The following KLHL8 variants were observed in gnomAD, a reference collection of about 807,000 sequenced individuals.
The protein encoded by KLHL8 is kelch like family member 8, also known as kelch-like protein 8.
KLHL8 carries 38 observed loss-of-function variants against 63.5 expected under a neutral mutation model. That is an observed-to-expected ratio of 0.60 (90% CI 0.46 to 0.78). The LOEUF (loss-of-function observed/expected upper bound fraction) is 0.78, where lower values mean the gene tolerates loss of function less well. KLHL8 is among the 30% of genes least tolerant of loss of function. The probability of loss-of-function intolerance (pLI) is 0.00; values close to 1 mark genes in which losing one functional copy is unlikely to be tolerated. For synonymous variants in KLHL8, 224 were observed against 254.3 expected (o/e 0.88, Z 1.13); for missense variants, 566 against 752.4 (o/e 0.75, Z 2.90).
intron 2 of KLHL8, among the ~76,000 whole-genome samples, chr4:87,193,363 A>G (rs1731567529): frequency 6.6e-6 from 1 of 152,208 alleles, no homozygotes; most frequent in African/African-American, 2.4e-5. Context: ...TTCCGCCTCC[A>G]GATCCTGTCC....
intron 1 of KLHL8, among the ~76,000 whole-genome samples, chr4:87,227,344 G>C (rs556889108): frequency 6.6e-5 from 10 of 152,168 alleles, no homozygotes; most frequent in Non-Finnish European, 2.9e-5. Flanking sequence ...GGACCATAGA[G>C]TTATTTGACA....
chr4:87,232,576 T>C (rs375190620), intron 1 of KLHL8, among the ~76,000 whole-genome samples: 8 of 152,238 alleles, frequency 5.3e-5, no homozygotes, highest in Admixed American at 5.2e-4. Context: ...ATGACTTCGA[T>C]GTAACTAAAA....
chr4:87,183,432 CT>C lies in KLHL8; in HGVS notation c.766-44del, dbSNP rs769295193. On this transcript the variant is annotated intron_variant, in intron 3 of 9. Transcript: ENST00000273963. The stretch of plus-strand genomic sequence containing the variant: ...TGCAATACAACAAATTTTATATTTT[CT>C]TGGGAAAATATAAAGTCTAAAAATT... The C allele has an allele frequency of 2.8e-6, 4 of 1,405,882 alleles. No homozygotes were observed. In the Admixed American group the frequency reaches 8.8e-5, roughly 31 times the overall value. 87.1% of individuals were successfully genotyped at this position (1,405,882 alleles called of 1,614,324 possible).
At position 87,178,504 on chromosome 4, in the gene KLHL8, G is replaced by T. The variant is rs757903142; in HGVS notation, c.1069C>A (p.Arg357=). 2 of 1,610,908 alleles carry T rather than the reference G, an allele frequency of 1.2e-6. No individual in the cohort carries two copies. Among genetic ancestry groups the T allele is most frequent in the South Asian group, 2.2e-5 (2 of 90,414 alleles). The change falls in exon 5 of 10, where the codon CGA becomes AGA. Residue 357 remains arginine (R), a synonymous_variant. Transcript: ENST00000273963. ...FFGPEMNSRR[R]HVGVISVEGK... ...TCCACAGAGATTACACCCACATGTCGCCTTCGACTATTCATTTCTGGTCCA... is the reference window on the plus strand; with the variant it reads ...TCCACAGAGATTACACCCACATGTCTCCTTCGACTATTCATTTCTGGTCCA...
intron 6 of KLHL8, among the ~76,000 whole-genome samples, chr4:87,173,286 A>G (rs753867090): frequency 2.6e-5 from 4 of 152,182 alleles, no homozygotes; most frequent in Non-Finnish European, 5.9e-5. Flanking sequence ...TTATGTCATT[A>G]TTTGTTATCT....
intron 8 of KLHL8, among the ~76,000 whole-genome samples, chr4:87,168,029 T>C (rs1164720708): frequency 6.6e-6 from 1 of 152,162 alleles, no homozygotes; most frequent in Non-Finnish European, 1.5e-5. Context: ...TTGGCTCTCT[T>C]TACCCCACAC....
chr4:87,189,179 C>T (rs1731379679), intron 2 of KLHL8, among the ~76,000 whole-genome samples: 1 of 152,184 alleles, frequency 6.6e-6, no homozygotes, highest in Non-Finnish European at 1.5e-5. Context: ...CTTACTTGAA[C>T]ACAGGTTGAA....
chr4:87,215,216 T>C (rs1422840055), intron 1 of KLHL8, among the ~76,000 whole-genome samples: 1 of 152,234 alleles, frequency 6.6e-6, no homozygotes, highest in African/African-American at 2.4e-5. Flanking sequence ...CCATATCTAA[T>C]TAATTTAATT....
intron 8 of KLHL8, among the ~76,000 whole-genome samples, chr4:87,168,774 G>GTA (rs1230009436): frequency 6.0e-5 from 8 of 132,780 alleles, no homozygotes; most frequent in Non-Finnish European, 1.1e-4. Flanking sequence ...ATATATATGT[G>GTA]TATATATATA....
chr4:87,198,116 C>T (rs922582542), intron 1 of KLHL8, among the ~76,000 whole-genome samples: 9 of 151,290 alleles, frequency 5.9e-5, no homozygotes, highest in African/African-American at 9.7e-5. Context: ...GTCAGGAGTT[C>T]GAGACCAGCC....
At chr4:87,170,750 A>C (rs1181084483) in intron 6 of KLHL8, 135 bp from the exon 7 acceptor site, 1 of 808,624 alleles carries the variant, frequency 1.2e-6, no homozygotes, top group African/African-American at 1.7e-5. Context: ...TTATTTTTAG[A>C]TCTATCAAAG....
chr4:87,217,278 G>A (rs1194123326), intron 1 of KLHL8, among the ~76,000 whole-genome samples: 1 of 150,258 alleles, frequency 6.7e-6, no homozygotes, highest in East Asian at 1.9e-4. Flanking sequence ...GAATTTTAGC[G>A]ACTGAAAACA....
At chr4:87,172,761 A>G (rs1233024084) in intron 6 of KLHL8, among the ~76,000 whole-genome samples, 1 of 152,154 alleles carries the variant, frequency 6.6e-6, no homozygotes, top group East Asian at 1.9e-4. Context: ...ATTTCTTTAC[A>G]TCAAGGGATG....
chr4:87,228,910 T>C (rs1733083546), intron 1 of KLHL8, among the ~76,000 whole-genome samples: 2 of 152,264 alleles, frequency 1.3e-5, no homozygotes, highest in Non-Finnish European at 2.9e-5. Context: ...CATGTACCCA[T>C]AATCTTTGCA....
At chr4:87,194,030 T>C (rs918560479) in intron 2 of KLHL8, among the ~76,000 whole-genome samples, 48 of 152,220 alleles carry the variant, frequency 3.2e-4, no homozygotes, top group Admixed American at 3.1e-3. Flanking sequence ...GCCATTATTA[T>C]TTTTCTCTTC....
chr4:87,218,781 C>T (rs1172040337), intron 1 of KLHL8, among the ~76,000 whole-genome samples: 2 of 152,120 alleles, frequency 1.3e-5, no homozygotes, highest in Admixed American at 6.5e-5. Flanking sequence ...GTCGCCCAGG[C>T]TGGAGCGCAG....
intron 8 of KLHL8, among the ~76,000 whole-genome samples, chr4:87,166,480 C>T (rs1321407850): frequency 6.6e-6 from 1 of 152,174 alleles, no homozygotes; most frequent in African/African-American, 2.4e-5. Context: ...TACTGGGGAA[C>T]TACAAAGTGC....
chr4:87,182,552 T>C (rs1731095762), intron 4 of KLHL8, among the ~76,000 whole-genome samples: 2 of 152,148 alleles, frequency 1.3e-5, no homozygotes, highest in Admixed American at 1.3e-4. Flanking sequence ...GTCTCAAATA[T>C]GTTACGCTTT....
At chr4:87,194,855 G>A (rs1479379483) in intron 2 of KLHL8, among the ~76,000 whole-genome samples, 1 of 151,956 alleles carries the variant, frequency 6.6e-6, no homozygotes, top group Non-Finnish European at 1.5e-5. Context: ...TTAACAGATG[G>A]TAACAATGAA....
Sources: allele counts gnomAD v4.1 joint callset (sites outside exome capture counted in the v4.1 genomes callset), GRCh38; gene constraint gnomAD v4.1.1; transcripts MANE v1.5; gene names NCBI Gene and HGNC (gene_info 2026-07-23, HGNC 2026-07-21).